Variants in ATXN3 observed in about 807,000 individuals in gnomAD.
The protein encoded by ATXN3 is ataxin-3.
A neutral mutation model predicts 58.2 loss-of-function variants in ATXN3; 28 were observed. That is an observed-to-expected ratio of 0.48 (90% CI 0.36 to 0.66). The LOEUF (loss-of-function observed/expected upper bound fraction) is 0.66. Among genes scored for constraint, ATXN3 ranks in the 30% least tolerant of loss-of-function variants. The pLI is 0.00. For synonymous variants in ATXN3, 113 were observed against 138.5 expected, an observed-to-expected ratio of 0.82 and a Z score of 1.29; for missense variants, 321 against 422.1, an observed-to-expected ratio of 0.76 and a Z score of 2.10.
intron 1 of ATXN3, among the ~76,000 whole-genome samples, chr14:92,049,399 G>A (rs761910478): frequency 1.1e-4 from 17 of 152,142 alleles, no homozygotes; most frequent in South Asian, 4.1e-4. Context: ...TCAGGCAGTC[G>A]TCCCTGCAGT....
chr14:92,096,983 C>T (rs1407999620), intron 1 of ATXN3, 145 bp from the exon 2 acceptor site: 1 of 666,330 alleles, frequency 1.5e-6, no homozygotes, highest in Non-Finnish European at 2.5e-6. Context: ...TCTTGGCTCA[C>T]TGCAAGCTCC....
At chr14:92,092,154 A>G (rs2063984545) in intron 5 of ATXN3, among the ~76,000 whole-genome samples, 1 of 152,158 alleles carries the variant, frequency 6.6e-6, no homozygotes, top group Admixed American at 6.6e-5. Flanking sequence ...CCGCTGGTCA[A>G]TCTGCTTTCC....
At position 92,093,438 on chromosome 14, in the gene ATXN3, T is replaced by A. The variant is rs2064366747; in HGVS notation, c.321-120A>T. 7.8e-5 allele frequency: 51 copies of A among 652,408 alleles called. 1 individual carries two copies. Among genetic ancestry groups the A allele is most frequent in the South Asian group, 4.7e-4 (22 of 47,206 alleles). The allele number at this position is 652,408 out of a possible 1,614,324, so 40.4% of individuals were successfully genotyped here. On this transcript the variant is annotated intron_variant, in intron 4 of 10. Coordinates refer to ENST00000644486, the MANE Select transcript of ATXN3 (RefSeq NM_004993.6). ...GATTATATTTATAGTTAAGTGTCAC[T>A]GATGTTTTTAAAAGATCACACAACC...
chr14:92,047,010 C>T (rs1049890362), intron 2 of ATXN3, among the ~76,000 whole-genome samples: 68 of 152,108 alleles, frequency 4.5e-4, no homozygotes, highest in African/African-American at 1.5e-3. Flanking sequence ...AGGTGAGAAG[C>T]GAAGGGATGG....
At position 92,098,425 on chromosome 14, in the gene ATXN3, T is replaced by C. The variant is rs371513086; in HGVS notation, c.25-1587A>G. The stretch of plus-strand genomic sequence containing the variant: ...CAATACGGTGAAACCTCGTCTCTAC[T>C]AAAAATACAAAAATTAGCCAGCATG... On this transcript the variant is annotated intron_variant, in intron 1 of 10. Coordinates refer to ENST00000644486, the MANE Select transcript of ATXN3 (RefSeq NM_004993.6). Among the ~76,000 whole-genome samples, 109 of 152,136 alleles carry C rather than the reference T, an allele frequency of 7.2e-4. 1 individual carries two copies. Among genetic ancestry groups the C allele is most frequent in the African/African-American group, 2.4e-3 (100 of 41,488 alleles).
intron 9 of ATXN3, among the ~76,000 whole-genome samples, chr14:92,080,170 AG>A (rs1222248543): frequency 6.6e-6 from 1 of 152,188 alleles, no homozygotes; most frequent in African/African-American, 2.4e-5. Context: ...GTAAGGTTTT[AG>A]GAGTTGATCC....
chr14:92,066,601 G>GTT lies in ATXN3; in HGVS notation c.992-2189_992-2188dup, dbSNP rs66941473. Among the ~76,000 whole-genome samples the GTT allele has an allele frequency of 4.2e-3, 451 of 106,960 alleles. 1 individual carries two copies. Among genetic ancestry groups the GTT allele is most frequent in the East Asian group, 9.3e-3 (34 of 3,638 alleles). The allele number at this position is 106,960 out of a possible 152,430, so 70.2% of individuals were successfully genotyped here. A position where few individuals can be genotyped will look rare whatever the true frequency, so the allele number is the denominator to read the frequency against. ...ACTCTGGGTTTAGAGTTTTTTTCTT[G>GTT]TTTTTTTTTTTTTTTTTTTTTTTTG... On this transcript the variant is annotated intron_variant, in intron 10 of 10. Transcript: ENST00000644486.
chr14:92,098,034 T>C (rs188332533), intron 1 of ATXN3, among the ~76,000 whole-genome samples: 1 of 152,200 alleles, frequency 6.6e-6, no homozygotes, highest in African/African-American at 2.4e-5. Flanking sequence ...AACTACTGTA[T>C]AAAACATTTA....
chr14:92,103,458 C>G (rs2067338598), intron 1 of ATXN3, among the ~76,000 whole-genome samples: 1 of 152,080 alleles, frequency 6.6e-6, no homozygotes, highest in Non-Finnish European at 1.5e-5. Context: ...TCTTTTGAGA[C>G]AGGATCTTGC....
chr14:92,072,185 G>A (rs12586535), intron 9 of ATXN3, among the ~76,000 whole-genome samples: 41,992 of 151,982 alleles, frequency 0.28, 6,080 homozygotes, highest in East Asian at 0.44. Flanking sequence ...TAAACATGAC[G>A]GTTATCATGT....
At chr14:92,097,519 C>A (rs2065697856) in intron 1 of ATXN3, among the ~76,000 whole-genome samples, 1 of 151,100 alleles carries the variant, frequency 6.6e-6, no homozygotes, top group East Asian at 2.0e-4. Context: ...AGCCGCCACA[C>A]CTGGCCAACT....
At position 92,105,146 on chromosome 14, in the gene ATXN3, GCA is replaced by G. The variant is rs746101828; in HGVS notation, c.24+1381_24+1382del. Among the ~76,000 whole-genome samples the G allele has an allele frequency of 2.8e-4, 43 of 152,162 alleles. 2 individuals are homozygous for G. The Middle Eastern group carries it at 0.01, about 36-fold the overall frequency. On this transcript the variant is annotated intron_variant, in intron 1 of 10. Coordinates refer to ENST00000644486, the MANE Select transcript of ATXN3 (RefSeq NM_004993.6). ...CATTGTACTTAACAATTTGTTCCAG[GCA>G]CAGTGGCTCACGCCTGTAATCACAG...
chr14:92,054,874 G>GTTTGTT (rs150241767), downstream of ATXN3, among the ~76,000 whole-genome samples: 7 of 151,538 alleles, frequency 4.6e-5, no homozygotes, highest in South Asian at 1.3e-3. Context: ...TGTTATATTA[G>GTTTGTT]TTTGTTTTTG....
chr14:92,052,533 C>T (rs2057452547), upstream of ATXN3, among the ~76,000 whole-genome samples: 1 of 152,070 alleles, frequency 6.6e-6, no homozygotes, highest in African/African-American at 2.4e-5. Context: ...GTTGTTGTCT[C>T]ACCTGGAAAT....
chr14:92,098,335 C>A (rs955143482), intron 1 of ATXN3, among the ~76,000 whole-genome samples: 1 of 152,122 alleles, frequency 6.6e-6, no homozygotes, highest in Admixed American at 6.6e-5. Context: ...CACCTGTAAT[C>A]CCAGCAGTTT....
At chr14:92,105,773 CAGGCT>C (rs1160088625) in intron 1 of ATXN3, among the ~76,000 whole-genome samples, 1 of 152,188 alleles carries the variant, frequency 6.6e-6, no homozygotes, top group African/African-American at 2.4e-5. Flanking sequence ...AAAGGGACAG[CAGGCT>C]AGGCAGACTA....
intron 1 of ATXN3, among the ~76,000 whole-genome samples, chr14:92,106,299 G>A (rs932363561): frequency 2.0e-5 from 3 of 151,416 alleles, no homozygotes; most frequent in African/African-American, 7.3e-5. Flanking sequence ...CCCCGGCCCC[G>A]CCCATACTCC....
downstream of ATXN3, chr14:92,058,325 T>C (rs1323473504): frequency 1.3e-5 from 2 of 152,232 alleles, no homozygotes; most frequent in African/African-American, 4.8e-5. Flanking sequence ...TCACAGGTGA[T>C]ACAGATGCTG....
intron 9 of ATXN3, among the ~76,000 whole-genome samples, chr14:92,074,304 G>A (rs1188213424): frequency 1.3e-5 from 2 of 152,138 alleles, no homozygotes; most frequent in African/African-American, 4.8e-5. Flanking sequence ...TCCAGCCTGG[G>A]CGACAGACAA....
Sources: gnomAD v4.1 joint callset for allele counts (sites outside exome capture counted in the v4.1 genomes callset) on GRCh38, gnomAD v4.1.1 for gene constraint, MANE v1.5 for transcripts, NCBI Gene and HGNC (gene_info 2026-07-23, HGNC 2026-07-21) for gene names.